Variants in ZNF572 observed in about 807,000 individuals in gnomAD.
ZNF572 encodes the protein zinc finger protein 572.
A neutral mutation model predicts 3.8 loss-of-function variants in ZNF572; 2 were observed. That is an observed-to-expected ratio of 0.52 (90% confidence interval 0.21 to 1.65). ZNF572 has a LOEUF of 1.65. ZNF572 is among the 40% of genes most tolerant of loss of function. The pLI is 0.20. For missense variants in ZNF572, 581 were observed against 633.4 expected (o/e 0.92, Z 0.89); for synonymous variants, 187 against 204.5 (o/e 0.91, Z 0.73).
At chr8:124,973,814 T>C (rs1245729133) in intron 1 of ZNF572, among the ~76,000 whole-genome samples, 4 of 152,232 alleles carry the variant, frequency 2.6e-5, no homozygotes, top group Non-Finnish European at 4.4e-5. Flanking sequence ...TGTATGGTCT[T>C]GCATTTGCCA....
rs992851572 is a variant in ZNF572 at position 124,978,932 on chromosome 8, C to T, written c.*1074C>T. On this transcript the variant is annotated 3_prime_UTR_variant, in exon 3 of 3. Coordinates refer to ENST00000319286, the MANE Select transcript of ZNF572 (RefSeq NM_152412.3). Reference sequence around the variant, plus strand: ...AAGGACAGTTTGTCATTAAGGAGTACTGAGACTTCTTAGCTTTGGTACTGA... The same window carrying T: ...AAGGACAGTTTGTCATTAAGGAGTATTGAGACTTCTTAGCTTTGGTACTGA... 6.6e-6 allele frequency: 1 copy of T among 152,198 alleles called. No individual in the cohort carries two copies. The highest frequency in any genetic ancestry group is 6.5e-5 in the Admixed American group (1 of 15,280). 9.4% of individuals were successfully genotyped at this position (152,198 alleles called of 1,614,324 possible).
chr8:124,974,233 T>C (rs1392019524), intron 1 of ZNF572, among the ~76,000 whole-genome samples: 1 of 152,256 alleles, frequency 6.6e-6, no homozygotes, highest in Non-Finnish European at 1.5e-5. Context: ...CTGAGGATTC[T>C]TTGCAGTTTG....
rs1450982064 is a variant in ZNF572 at position 124,977,115 on chromosome 8, CAG to C, written c.850_851del (p.Ser284PhefsTer13). ...KCPDCGKSFS[Q>X]SSSLIRHQRT... ...CCCTGATTGTGGGAAGAGTTTTAGT[CAG>C]AGTTCCAGCCTCATTCGCCACCAGC... On this transcript the variant is annotated frameshift_variant, in exon 3 of 3. Transcript: ENST00000319286. LOFTEE classifies it low-confidence loss of function (END_TRUNC). 5.0e-6 allele frequency: 8 copies of C among 1,608,616 alleles called. No homozygotes were observed. Among genetic ancestry groups the C allele is most frequent in the Middle Eastern group, 1.6e-4 (1 of 6,084 alleles).
Position 124,977,190 on chromosome 8 carries a change from A to T in ZNF572, c.922A>T (p.Ser308Cys), listed in dbSNP as rs78004199. 5,361 of 1,611,030 alleles carry T rather than the reference A, an allele frequency of 3.3e-3. 152 individuals are homozygous for T. In the African/African-American group the frequency reaches 0.063, roughly 19 times the overall value. The change falls in exon 3 of 3, where the codon AGC becomes TGC. Residue 308 changes from serine (S) to cysteine (C), a missense_variant. Coordinates refer to ENST00000319286, the MANE Select transcript of ZNF572 (RefSeq NM_152412.3). ...CTACAAATGTCTTGAGTGTGAAAAAAGCTTTGGTTGTAATTCTACTCTAAT... is the reference window on the plus strand; with the variant it reads ...CTACAAATGTCTTGAGTGTGAAAAATGCTTTGGTTGTAATTCTACTCTAAT... ...KPYKCLECEKSFGCNSTLIKH... is the reference protein window; with the variant it reads ...KPYKCLECEKCFGCNSTLIKH...
At chr8:124,973,916 C>T (rs1814470531) in intron 1 of ZNF572, among the ~76,000 whole-genome samples, 1 of 152,096 alleles carries the variant, frequency 6.6e-6, no homozygotes, top group Admixed American at 6.5e-5. Context: ...TAATGTGTTG[C>T]CCAGACTCTT....
At position 124,977,051 on chromosome 8, in the gene ZNF572, A is replaced by G; in HGVS notation, c.783A>G (p.Glu261=). Residue 261 remains glutamate (E), a synonymous_variant, in exon 3 of 3, where the codon GAA becomes GAG. Transcript: ENST00000319286. ...KGFSHSYVLI[E]HQRTHTGEKP... ...TCAGTCACAGCTATGTCCTAATAGA[A>G]CATCAGAGGACTCACACTGGAGAAA... 1 of 1,612,724 alleles carries G rather than the reference A, an allele frequency of 6.2e-7. No homozygotes were observed. The highest frequency in any genetic ancestry group is 8.5e-7 in the Non-Finnish European group (1 of 1,180,002).
Position 124,977,157 on chromosome 8 carries a change from G to T in ZNF572, c.889G>T (p.Glu297Ter). 1 of 1,609,370 alleles carries T rather than the reference G, an allele frequency of 6.2e-7. No individual in the cohort carries two copies. The highest frequency in any genetic ancestry group is 8.5e-7 in the Non-Finnish European group (1 of 1,179,998). ...LIRHQRTHTG[E>*]KPYKCLECEK... ...TCGCCACCAGCGGACACACACAGGT[G>T]AGAAGCCCTACAAATGTCTTGAGTG... Residue 297 changes from glutamate (E) to a stop codon, truncating the protein, a stop_gained, in exon 3 of 3, where the codon GAG becomes TAG. Coordinates refer to ENST00000319286, the MANE Select transcript of ZNF572 (RefSeq NM_152412.3). LOFTEE classifies it low-confidence loss of function (END_TRUNC).
In ZNF572 at chr8:124,977,285, T is replaced by C. The variant is rs778286370; in HGVS notation, c.1017T>C (p.Arg339=). The change falls in exon 3 of 3, where the codon CGT becomes CGC. Residue 339 remains arginine (R), a synonymous_variant. Coordinates refer to ENST00000319286, the MANE Select transcript of ZNF572 (RefSeq NM_152412.3). ...QCPECGKNFS[R]SSNLITHQKM... Reference sequence around the variant, plus strand: ...CAGAATGTGGGAAGAATTTTAGTCGTAGTTCAAACCTTATTACACACCAGA... The same window carrying C: ...CAGAATGTGGGAAGAATTTTAGTCGCAGTTCAAACCTTATTACACACCAGA... 3.7e-6 allele frequency: 6 copies of C among 1,613,644 alleles called. No homozygotes were observed. In the Admixed American group the frequency reaches 1.0e-4, roughly 27 times the overall value.
rs554777367 is a variant in ZNF572 at position 124,976,563 on chromosome 8, A to G, written c.295A>G (p.Ile99Val). 2 of 1,614,158 alleles carry G rather than the reference A, an allele frequency of 1.2e-6. No individual in the cohort carries two copies. Among genetic ancestry groups the G allele is most frequent in the South Asian group, 2.2e-5 (2 of 91,086 alleles). ...DGKSENWGNF[I>V]AKEEEKPNHQ... ...CAAGTCAGAGAATTGGGGAAATTTT[A>G]TAGCTAAAGAGGAGGAAAAACCCAA... The change falls in exon 3 of 3, where the codon ATA becomes GTA. Residue 99 changes from isoleucine (I) to valine (V), a missense_variant. By Grantham distance (29) the Ile-to-Val change is conservative. Transcript: ENST00000319286.
intron 1 of ZNF572, among the ~76,000 whole-genome samples, chr8:124,973,665 G>A (rs1402830968): frequency 1.3e-5 from 2 of 152,194 alleles, no homozygotes; most frequent in African/African-American, 2.4e-5. Context: ...ACCAGCCAGC[G>A]GTTCTTAAAA....
rs377329442 is a variant in ZNF572, at chr8:124,976,721, G to A, written c.453G>A (p.Gln151=). The A allele has an allele frequency of 6.4e-5, 104 of 1,614,058 alleles. 1 individual carries two copies. The highest frequency in any genetic ancestry group is 8.5e-5 in the Non-Finnish European group (100 of 1,180,030). ...FSNSSHLRTH[Q]RTHSGEKPYK... is the part of the protein sequence containing the mutation. ...ATAGTTCTCATTTGCGTACTCACCA[G>A]AGGACCCACTCAGGAGAAAAGCCTT... is the stretch of plus-strand genomic sequence containing the variant. Residue 151 remains glutamine (Q), a synonymous_variant, in exon 3 of 3, where the codon CAG becomes CAA. Transcript: ENST00000319286.
In ZNF572 at chr8:124,976,370, G is replaced by A. The variant is rs747669102; in HGVS notation, c.102G>A (p.Leu34=). 5.0e-6 allele frequency: 8 copies of A among 1,590,212 alleles called. No individual in the cohort carries two copies. Among genetic ancestry groups the A allele is most frequent in the Non-Finnish European group, 5.1e-6 (6 of 1,168,714 alleles). The change falls in exon 3 of 3, where the codon TTG becomes TTA. Residue 34 remains leucine, a synonymous_variant. Transcript: ENST00000319286. ...PFTGDTSMNN[L]ETVHHNNSKA... ...CAGGAGATACAAGTATGAATAATTT[G>A]GAAACTGTTCACCACAATAATTCTA...
Position 124,977,671 on chromosome 8 carries a change from A to G in ZNF572, c.1403A>G (p.Tyr468Cys), listed in dbSNP as rs2129827899. 1.2e-6 allele frequency: 2 copies of G among 1,614,220 alleles called. No homozygotes were observed. The highest frequency in any genetic ancestry group is 1.1e-5 in the South Asian group (1 of 91,088). The stretch of plus-strand genomic sequence containing the variant: ...AGGACCCACATAGGGGAAAAACCTT[A>G]CAAATGTACCAGCTGTGAGAAATGC... ...HRRTHIGEKP[Y>C]KCTSCEKCFS... Residue 468 changes from tyrosine (Y) to cysteine (C), a missense_variant, in exon 3 of 3, where the codon TAC becomes TGC. Coordinates refer to ENST00000319286, the MANE Select transcript of ZNF572 (RefSeq NM_152412.3).
Position 124,977,724 on chromosome 8 carries a change from C to A in ZNF572, c.1456C>A (p.His486Asn). Residue 486 changes from histidine to asparagine, a missense_variant, in exon 3 of 3, where the codon CAT becomes AAT. His to Asn is a moderately conservative substitution (Grantham distance 68, BLOSUM62 1). Coordinates refer to ENST00000319286, the MANE Select transcript of ZNF572 (RefSeq NM_152412.3). ...CFSRSAYLSQ[H>N]RKIHVEKPFE... ...CAGCAGAAGTGCCTACCTCAGTCAG[C>A]ATCGGAAAATTCACGTAGAAAAGCC... 1 of 1,614,210 alleles carries A rather than the reference C, an allele frequency of 6.2e-7. No individual in the cohort carries two copies. Among genetic ancestry groups the A allele is most frequent in the South Asian group, 1.1e-5 (1 of 91,082 alleles).
chr8:124,975,516 C>G (rs1303882508), intron 1 of ZNF572, 90 bp from the exon 2 acceptor site: 1 of 717,176 alleles, frequency 1.4e-6, no homozygotes, highest in African/African-American at 1.8e-5. Flanking sequence ...CATTCTATGC[C>G]TCCTATTGTT....
intron 1 of ZNF572, among the ~76,000 whole-genome samples, chr8:124,975,083 C>T (rs971058008): frequency 2.0e-5 from 3 of 152,134 alleles, no homozygotes; most frequent in Non-Finnish European, 4.4e-5. Flanking sequence ...TATTCCACCT[C>T]GGCTTTGTCC....
intron 1 of ZNF572, 96 bp from the exon 2 acceptor site, chr8:124,975,510 C>A: frequency 2.9e-6 from 2 of 691,706 alleles, no homozygotes; most frequent in Non-Finnish European, 2.5e-6. Context: ...ATGGAACATT[C>A]TATGCCTCCT....
chr8:124,976,434 A>G lies in ZNF572; in HGVS notation c.166A>G (p.Lys56Glu), dbSNP rs1238392366. 1.2e-6 allele frequency: 2 copies of G among 1,614,040 alleles called. No individual in the cohort carries two copies. The highest frequency in any genetic ancestry group is 1.1e-5 in the South Asian group (1 of 91,084). ...KLKEKPSEWS[K>E]RHRPQHYKHE... ...TAAAGAGAAACCTTCAGAATGGTCTAAAAGACATAGACCACAACATTATAA... is the reference window on the plus strand; with the variant it reads ...TAAAGAGAAACCTTCAGAATGGTCTGAAAGACATAGACCACAACATTATAA... Residue 56 changes from lysine to glutamate, a missense_variant, in exon 3 of 3, where the codon AAA (lysine) becomes GAA (glutamate). Transcript: ENST00000319286.
At chr8:124,973,515 C>G (rs963841736) in intron 1 of ZNF572, 99 bp downstream of exon 1, 1 of 152,208 alleles carries the variant, frequency 6.6e-6, no homozygotes, top group East Asian at 1.9e-4. Flanking sequence ...AGAGAGTTCC[C>G]GCTGCTGCCA....
Sources: gnomAD v4.1 joint callset for allele counts (sites outside exome capture counted in the v4.1 genomes callset) on GRCh38, gnomAD v4.1.1 for gene constraint, MANE v1.5 for transcripts, NCBI Gene and HGNC (gene_info 2026-07-23, HGNC 2026-07-21) for gene names.